The following OPHN1 variants were observed in gnomAD, a reference collection of about 807,000 sequenced individuals.
The protein encoded by OPHN1 is oligophrenin-1.
A neutral mutation model predicts 60.7 loss-of-function variants in OPHN1; 11 were observed. That is an observed-to-expected ratio of 0.18 (90% CI 0.11 to 0.30). The LOEUF (loss-of-function observed/expected upper bound fraction) is 0.30, where lower values mean the gene tolerates loss of function less well. Among genes scored for constraint, OPHN1 ranks in the 10% least tolerant of loss-of-function variants. OPHN1 has a pLI of 1.00. For missense variants in OPHN1, 449 were observed against 611.0 expected (o/e 0.73, Z 2.80); for synonymous variants, 226 against 222.6 (o/e 1.02, Z -0.14).
intron 23 of OPHN1, among the ~76,000 whole-genome samples, chrX:68,050,301 T>A (rs181402030): frequency 2.8e-4 from 31 of 112,051 alleles, no homozygotes; most frequent in African/African-American, 9.1e-4. Context: ...CTTACCTACA[T>A]TCCTGCCAAA....
chrX:68,074,486 T>C (rs2076946594), intron 19 of OPHN1, among the ~76,000 whole-genome samples: 2 of 111,398 alleles, frequency 1.8e-5, no homozygotes, highest in African/African-American at 3.3e-5. Context: ...GTAGTAGTTG[T>C]TACAAATATT....
intron 2 of OPHN1, among the ~76,000 whole-genome samples, chrX:68,324,046 G>GA (rs1324659023): frequency 1.8e-5 from 2 of 111,780 alleles, no homozygotes; most frequent in Non-Finnish European, 3.8e-5. Context: ...AAGCACAGAT[G>GA]AAGTCCAGAG....
At chrX:68,206,819 A>G (rs2077561467) in intron 9 of OPHN1, 146 bp from the exon 10 acceptor site, 1 of 492,258 alleles carries the variant, frequency 2.0e-6, no homozygotes, top group Non-Finnish European at 3.6e-6. Context: ...CCCTCCTTCC[A>G]TAGCCACCTA....
At chrX:68,369,132 C>T (rs771098798) in intron 2 of OPHN1, among the ~76,000 whole-genome samples, 17 of 108,984 alleles carry the variant, frequency 1.6e-4, no homozygotes, top group South Asian at 4.1e-4. Flanking sequence ...CGCTTGAACC[C>T]GGGAGGCAGA....
In OPHN1 at chrX:68,384,379, ACAT is replaced by A. The variant is rs2078613372; in HGVS notation, c.154+48485_154+48487del. Among the ~76,000 whole-genome samples the A allele has an allele frequency of 2.7e-5, 3 of 112,037 alleles. No homozygotes were observed. In the South Asian group the frequency reaches 1.1e-3, roughly 41 times the overall value. On this transcript the variant is annotated intron_variant, in intron 2 of 24. Transcript: ENST00000355520. ...TCAAAAAGCTCTAAGGGCACAAAAA[ACAT>A]CAGAATAACCATGGAATACTACTCA...
chrX:68,426,569 T>TATATATCTGTTTATATATATATAA (rs1266981689), intron 2 of OPHN1, among the ~76,000 whole-genome samples: 2 of 41,581 alleles, frequency 4.8e-5, no homozygotes, highest in Non-Finnish European at 1.4e-4. Flanking sequence ...TATATATATA[T>TATATATCTGTTTATATATATATAA]ACATACACAG....
rs780295948 is a variant in OPHN1 at position 68,238,714 on chromosome X, G to T, written c.385-4126C>A. On this transcript the variant is annotated intron_variant, in intron 5 of 24. Coordinates refer to ENST00000355520, the MANE Select transcript of OPHN1 (RefSeq NM_002547.3). ...TTCCCTTATCCCCTTCACAGGGCATGAGACTGGGCTGTGGCTCGCTTCTTC... is the reference window on the plus strand; with the variant it reads ...TTCCCTTATCCCCTTCACAGGGCATTAGACTGGGCTGTGGCTCGCTTCTTC... Among the ~76,000 whole-genome samples, 64 of 111,539 alleles carry T rather than the reference G, an allele frequency of 5.7e-4. 1 individual carries two copies. Among genetic ancestry groups the T allele is most frequent in the Non-Finnish European group, 1.1e-3 (59 of 53,193 alleles).
chrX:68,132,517 G>A (rs1264617838), intron 15 of OPHN1, among the ~76,000 whole-genome samples: 1 of 85,853 alleles, frequency 1.2e-5, no homozygotes, highest in Non-Finnish European at 2.2e-5. Context: ...CATGGACACA[G>A]GAAGGGGAAT....
chrX:68,383,656 G>C (rs1350105631), intron 2 of OPHN1, among the ~76,000 whole-genome samples: 1 of 96,425 alleles, frequency 1.0e-5, no homozygotes, highest in East Asian at 3.2e-4. Flanking sequence ...CCTCCAAAGC[G>C]AAACTCAACA....
intron 3 of OPHN1, among the ~76,000 whole-genome samples, chrX:68,293,088 C>T (rs2078077988): frequency 8.9e-6 from 1 of 112,142 alleles, no homozygotes; most frequent in Non-Finnish European, 1.9e-5. Context: ...AATTCAACTC[C>T]TGGCTCTTTA....
At position 68,111,302 on chromosome X, in the gene OPHN1, G is replaced by A. The variant is rs956560698; in HGVS notation, c.1526+552C>T. On this transcript the variant is annotated intron_variant, in intron 18 of 24. Transcript: ENST00000355520. ...TCTTCTGGCCAGGAAGCACCACTGT[G>A]GGACACAAGTGCCCCTTTCACCTGC... Among the ~76,000 whole-genome samples the A allele has an allele frequency of 3.6e-5, 4 of 112,027 alleles. No individual in the cohort carries two copies. In the Admixed American group the frequency reaches 3.8e-4, roughly 11 times the overall value.
At chrX:68,360,789 AAAAC>A (rs1001835937) in intron 2 of OPHN1, among the ~76,000 whole-genome samples, 4 of 111,089 alleles carry the variant, frequency 3.6e-5, no homozygotes, top group East Asian at 2.9e-4. Flanking sequence ...GCTCCACCCA[AAAAC>A]AAACAAACAA....
chrX:68,315,305 G>A, intron 2 of OPHN1, among the ~76,000 whole-genome samples: 1 of 110,288 alleles, frequency 9.1e-6, no homozygotes. Flanking sequence ...GGGAGGAAGG[G>A]ACAGAGAGAG....
chrX:68,167,588 C>A (rs1466801502), intron 15 of OPHN1, among the ~76,000 whole-genome samples: 5 of 109,793 alleles, frequency 4.6e-5, no homozygotes, highest in African/African-American at 1.7e-4. Flanking sequence ...TATCTGTATA[C>A]ATATACACAT....
chrX:68,424,440 T>A (rs1158427595), intron 2 of OPHN1, among the ~76,000 whole-genome samples: 1 of 110,778 alleles, frequency 9.0e-6, no homozygotes, highest in African/African-American at 3.3e-5. Flanking sequence ...GATACAAGCC[T>A]GGTAAAGGAT....
chrX:68,433,721 A>T (rs1263071806), upstream of OPHN1: 1 of 297,046 alleles, frequency 3.4e-6, no homozygotes, highest in Non-Finnish European at 5.9e-6. Flanking sequence ...TAGGCGCCGG[A>T]AGGGTTAAGC....
intron 2 of OPHN1, among the ~76,000 whole-genome samples, chrX:68,358,190 G>A (rs2078452346): frequency 9.1e-6 from 1 of 109,604 alleles, no homozygotes; most frequent in African/African-American, 3.3e-5. Context: ...GCATGGTGCT[G>A]CACACCTGTA....
chrX:68,200,668 A>G (rs985558054), intron 11 of OPHN1, among the ~76,000 whole-genome samples: 1 of 111,554 alleles, frequency 9.0e-6, no homozygotes, highest in African/African-American at 3.3e-5. Context: ...CAATTTTGAA[A>G]TAATGAAACA....
intron 2 of OPHN1, among the ~76,000 whole-genome samples, chrX:68,350,849 G>T (rs1018559914): frequency 9.0e-5 from 10 of 110,717 alleles, no homozygotes; most frequent in African/African-American, 3.3e-4. Context: ...TGTTACTAGG[G>T]CATAGAGCTG....
Sources: gnomAD v4.1 joint callset for allele counts (sites outside exome capture counted in the v4.1 genomes callset) on GRCh38, gnomAD v4.1.1 for gene constraint, MANE v1.5 for transcripts, NCBI Gene and HGNC (gene_info 2026-07-23, HGNC 2026-07-21) for gene names.